PEBP4: variants seen among roughly 807,000 people sequenced by gnomAD.
PEBP4 encodes the protein phosphatidylethanolamine-binding protein 4.
A neutral mutation model predicts 23.9 loss-of-function variants in PEBP4; 22 were observed. That is an observed-to-expected ratio of 0.92 (90% CI 0.66 to 1.31). The LOEUF is 1.31. Among genes scored for constraint, PEBP4 ranks in the 40% most tolerant of loss-of-function variants. The pLI is 0.00. For missense variants in PEBP4, 324 were observed against 281.7 expected (o/e 1.15, Z -1.07); for synonymous variants, 112 against 99.3 (o/e 1.13, Z -0.76).
intron 4 of PEBP4, among the ~76,000 whole-genome samples, chr8:22,809,442 C>A (rs771146528): frequency 3.3e-5 from 5 of 152,118 alleles, no homozygotes; most frequent in Admixed American, 2.6e-4. Context: ...CACACATGGC[C>A]ACAATATAAG....
chr8:22,767,373 C>G (rs1026791892), intron 4 of PEBP4, among the ~76,000 whole-genome samples: 1 of 152,188 alleles, frequency 6.6e-6, no homozygotes, highest in Non-Finnish European at 1.5e-5. Flanking sequence ...TAATCCCCCC[C>G]ACCAATTTTT....
intron 4 of PEBP4, chr8:22,755,618 G>A (rs949276167): frequency 9.9e-5 from 15 of 152,036 alleles, no homozygotes; most frequent in African/African-American, 3.1e-4. Flanking sequence ...TTACAGGCGT[G>A]AGCCACCGTG....
chr8:22,771,984 A>G (rs1805726749), intron 4 of PEBP4, among the ~76,000 whole-genome samples: 1 of 152,244 alleles, frequency 6.6e-6, no homozygotes, highest in Non-Finnish European at 1.5e-5. Flanking sequence ...CAGAGTTTTA[A>G]CACTGCCGCT....
chr8:22,738,187 A>G (rs375968312), intron 4 of PEBP4, among the ~76,000 whole-genome samples: 105 of 152,326 alleles, frequency 6.9e-4, no homozygotes, highest in African/African-American at 2.3e-3. Flanking sequence ...GAGGGGCATT[A>G]ATAGCTCCTA....
At chr8:22,754,156 A>G (rs1016179138) in intron 4 of PEBP4, among the ~76,000 whole-genome samples, 1 of 152,284 alleles carries the variant, frequency 6.6e-6, no homozygotes, top group Non-Finnish European at 1.5e-5. Context: ...TCCAAGCCCC[A>G]GGGTCTGATG....
At chr8:22,881,944 A>G (rs747244060) in intron 3 of PEBP4, among the ~76,000 whole-genome samples, 1 of 152,206 alleles carries the variant, frequency 6.6e-6, no homozygotes, top group Non-Finnish European at 1.5e-5. Flanking sequence ...CAAGGTAATA[A>G]GCGTAGAAGC....
intron 2 of PEBP4, among the ~76,000 whole-genome samples, chr8:22,921,289 G>A (rs577663082): frequency 4.6e-4 from 70 of 152,380 alleles, no homozygotes; most frequent in Admixed American, 1.2e-3. Context: ...GAGAGTGGGT[G>A]TTGCAGGTCC....
intron 4 of PEBP4, among the ~76,000 whole-genome samples, chr8:22,769,342 C>G (rs967438808): frequency 2.0e-5 from 3 of 152,220 alleles, no homozygotes; most frequent in Non-Finnish European, 4.4e-5. Flanking sequence ...CTCAGAGTCT[C>G]TGTTTTGAAG....
At chr8:22,739,678 T>C (rs1804947590) in intron 4 of PEBP4, among the ~76,000 whole-genome samples, 1 of 152,014 alleles carries the variant, frequency 6.6e-6, no homozygotes, top group African/African-American at 2.4e-5. Flanking sequence ...CTCCCCACAG[T>C]TCTGGAGAGT....
At chr8:22,742,483 G>A (rs1305851070) in intron 4 of PEBP4, among the ~76,000 whole-genome samples, 1 of 152,166 alleles carries the variant, frequency 6.6e-6, no homozygotes, top group Admixed American at 6.5e-5. Flanking sequence ...CTGGAAGTGT[G>A]GGCTTGCCCC....
intron 4 of PEBP4, among the ~76,000 whole-genome samples, chr8:22,784,578 C>T (rs867080178): frequency 2.0e-5 from 3 of 152,324 alleles, no homozygotes; most frequent in South Asian, 2.1e-4. Context: ...TTGGGTGCTG[C>T]GAGCCGGGAG....
At chr8:22,939,143 G>A (rs1176804051) in intron 1 of PEBP4, among the ~76,000 whole-genome samples, 1 of 151,990 alleles carries the variant, frequency 6.6e-6, no homozygotes, top group East Asian at 1.9e-4. Context: ...ACTTCTAAAT[G>A]AACAATAAGA....
At chr8:22,827,677 A>C (rs947779786) in intron 3 of PEBP4, among the ~76,000 whole-genome samples, 1 of 152,250 alleles carries the variant, frequency 6.6e-6, no homozygotes, top group Admixed American at 6.5e-5. Flanking sequence ...GCTATTATGA[A>C]TGATGCTGCT....
intron 3 of PEBP4, among the ~76,000 whole-genome samples, chr8:22,871,139 G>A (rs1807998913): frequency 6.6e-6 from 1 of 152,134 alleles, no homozygotes; most frequent in Admixed American, 6.5e-5. Flanking sequence ...GGGGGTGGGT[G>A]GAAAAAGAAG....
chr8:22,913,060 C>T (rs1808980731), intron 3 of PEBP4, among the ~76,000 whole-genome samples: 1 of 152,200 alleles, frequency 6.6e-6, no homozygotes, highest in Non-Finnish European at 1.5e-5. Flanking sequence ...TGTCTTCTGT[C>T]CTTCAGACTA....
At chr8:22,800,429 T>G (rs1806358977) in intron 4 of PEBP4, among the ~76,000 whole-genome samples, 1 of 152,102 alleles carries the variant, frequency 6.6e-6, no homozygotes, top group Non-Finnish European at 1.5e-5. Context: ...CTTTTCTAGC[T>G]CTACGGTCTA....
At chr8:22,937,077 TATAG>T (rs1809551044) in intron 1 of PEBP4, among the ~76,000 whole-genome samples, 1 of 152,142 alleles carries the variant, frequency 6.6e-6, no homozygotes, top group African/African-American at 2.4e-5. Context: ...ATTCAACATA[TATAG>T]AAAGTTCTAG....
At chr8:22,744,874 G>A (rs942487710) in intron 4 of PEBP4, 15 of 152,254 alleles carry the variant, frequency 9.9e-5, no homozygotes, top group Admixed American at 2.6e-4. Flanking sequence ...TTCACCAGGA[G>A]GCAGAGAGGG....
At position 22,922,989 on chromosome 8, in the gene PEBP4, T is replaced by C. The variant is rs1380320443; in HGVS notation, c.132-2679A>G. Among the ~76,000 whole-genome samples the C allele has an allele frequency of 3.2e-4, 48 of 152,174 alleles. 1 individual carries two copies. Among genetic ancestry groups the C allele is most frequent in the Admixed American group, 3.1e-3 (48 of 15,282 alleles). ...TGACTTTTACTGGGCCACCCCAATA[T>C]ATCGGGGACATCACATATGTATGAT... On this transcript the variant is annotated intron_variant, in intron 2 of 6. Coordinates refer to ENST00000256404, the MANE Select transcript of PEBP4 (RefSeq NM_144962.3).
Sources: allele counts gnomAD v4.1 joint callset (sites outside exome capture counted in the v4.1 genomes callset), GRCh38; gene constraint gnomAD v4.1.1; transcripts MANE v1.5; gene names NCBI Gene and HGNC (gene_info 2026-07-23, HGNC 2026-07-21).